The following IQCJ variants were observed in gnomAD, a reference collection of about 807,000 sequenced individuals.
IQCJ encodes the protein IQ domain-containing protein J.
IQCJ carries 9 observed loss-of-function variants against 11.0 expected under a neutral mutation model. The ratio of observed to expected loss-of-function variants is 0.82; its 90% confidence interval spans 0.49 to 1.43. IQCJ has a LOEUF of 1.43. Ranked by LOEUF, IQCJ falls within the 40% of genes most tolerant of loss-of-function variation. The pLI, the probability that IQCJ is intolerant of heterozygous loss-of-function variation, is 0.00. For missense variants in IQCJ, 146 were observed against 133.2 expected (o/e 1.10, Z -0.47); for synonymous variants, 55 against 51.3 (o/e 1.07, Z -0.31).
chr3:159,144,423 C>T (rs1720804107), intron 1 of IQCJ, among the ~76,000 whole-genome samples: 2 of 152,154 alleles, frequency 1.3e-5, no homozygotes, highest in South Asian at 4.1e-4. Flanking sequence ...ATCTCTGATA[C>T]CAACCCTAGG....
intron 1 of IQCJ, among the ~76,000 whole-genome samples, chr3:159,163,201 A>G (rs940304461): frequency 6.6e-6 from 1 of 152,242 alleles, no homozygotes; most frequent in Non-Finnish European, 1.5e-5. Flanking sequence ...CGAATCCAGC[A>G]GCACATCAAA....
intron 1 of IQCJ, among the ~76,000 whole-genome samples, chr3:159,212,184 C>T (rs940756417): frequency 1.3e-4 from 20 of 151,946 alleles, no homozygotes; most frequent in Non-Finnish European, 2.8e-4. Context: ...GAACAATTAT[C>T]CCCCTGCATT....
At chr3:159,163,322 C>A (rs1721979761) in intron 1 of IQCJ, among the ~76,000 whole-genome samples, 1 of 152,116 alleles carries the variant, frequency 6.6e-6, no homozygotes, top group African/African-American at 2.4e-5. Flanking sequence ...AAGACAAAAA[C>A]CACATGACTA....
At chr3:159,240,583 A>G (rs781073026) in intron 1 of IQCJ, among the ~76,000 whole-genome samples, 1 of 152,212 alleles carries the variant, frequency 6.6e-6, no homozygotes, top group Non-Finnish European at 1.5e-5. Flanking sequence ...CCATTATATA[A>G]AAAAGAGATC....
intron 1 of IQCJ, among the ~76,000 whole-genome samples, chr3:159,205,234 A>G (rs1724584692): frequency 6.6e-6 from 1 of 152,226 alleles, no homozygotes; most frequent in Non-Finnish European, 1.5e-5. Context: ...ACTCATGATT[A>G]TGGTGTATTA....
intron 1 of IQCJ, among the ~76,000 whole-genome samples, chr3:159,183,248 C>T (rs950747767): frequency 6.6e-6 from 1 of 152,168 alleles, no homozygotes; most frequent in African/African-American, 2.4e-5. Flanking sequence ...GTCTCATTCA[C>T]ATATCTGGTT....
chr3:159,101,517 G>C (rs1717916514), intron 1 of IQCJ, among the ~76,000 whole-genome samples: 1 of 152,190 alleles, frequency 6.6e-6, no homozygotes. Flanking sequence ...GAGCCACTCA[G>C]TGGACATCAA....
chr3:159,260,892 G>A (rs903127753), intron 3 of IQCJ, among the ~76,000 whole-genome samples: 1 of 152,054 alleles, frequency 6.6e-6, no homozygotes, highest in Non-Finnish European at 1.5e-5. Context: ...CTTGGAAGAG[G>A]CTCCTGGCCT....
intron 1 of IQCJ, among the ~76,000 whole-genome samples, chr3:159,105,415 T>C (rs1718193511): frequency 1.3e-5 from 2 of 152,134 alleles, no homozygotes; most frequent in South Asian, 4.2e-4. Context: ...ATTAAGACAA[T>C]TTTATTGAGC....
intron 3 of IQCJ, among the ~76,000 whole-genome samples, chr3:159,260,726 A>G (rs764043403): frequency 2.0e-5 from 3 of 152,226 alleles, no homozygotes; most frequent in Non-Finnish European, 2.9e-5. Flanking sequence ...AGATTTCGTA[A>G]TAAAACAGTG....
rs1161710629 is a variant in IQCJ, at chr3:159,069,451, T to A, written c.9+10T>A. The A allele has an allele frequency of 1.2e-6, 2 of 1,608,620 alleles. No individual in the cohort carries two copies. The highest frequency in any genetic ancestry group is 1.7e-6 in the Non-Finnish European group (2 of 1,177,874). On this transcript the variant is annotated intron_variant, in intron 1 of 3. Transcript: ENST00000397832. Reference sequence around the variant, plus strand: ...CTTCAAAATGCGTCTGGTAATGTATTTGCTTTTCTAAACGTGCCACTTTGA... The same window carrying A: ...CTTCAAAATGCGTCTGGTAATGTATATGCTTTTCTAAACGTGCCACTTTGA...
chr3:159,084,950 G>A (rs1368365520), intron 1 of IQCJ, among the ~76,000 whole-genome samples: 2 of 151,768 alleles, frequency 1.3e-5, no homozygotes, highest in South Asian at 4.2e-4. Context: ...AAGTTTTAGG[G>A]TATATGTGTA....
intron 1 of IQCJ, among the ~76,000 whole-genome samples, chr3:159,222,936 A>G (rs545376304): frequency 6.6e-6 from 1 of 152,262 alleles, no homozygotes; most frequent in East Asian, 1.9e-4. Flanking sequence ...AAAGAAAAAT[A>G]GCCACTAGAT....
chr3:159,104,453 GT>G (rs1344956793), intron 1 of IQCJ, among the ~76,000 whole-genome samples: 11 of 152,222 alleles, frequency 7.2e-5, no homozygotes, highest in African/African-American at 2.7e-4. Context: ...GTAATTGTAT[GT>G]GTTAATGTGC....
At chr3:159,230,602 A>C (rs1726190689) in intron 1 of IQCJ, among the ~76,000 whole-genome samples, 1 of 152,184 alleles carries the variant, frequency 6.6e-6, no homozygotes, top group Non-Finnish European at 1.5e-5. Context: ...CTCACACAGA[A>C]AGAAGGCATT....
At chr3:159,143,510 A>G (rs563525292) in intron 1 of IQCJ, among the ~76,000 whole-genome samples, 11 of 152,272 alleles carry the variant, frequency 7.2e-5, no homozygotes, top group Non-Finnish European at 1.3e-4. Flanking sequence ...CAAAAGCTCC[A>G]TGGACGCTGT....
chr3:159,106,861 T>C (rs921641019), intron 1 of IQCJ, among the ~76,000 whole-genome samples: 2 of 152,210 alleles, frequency 1.3e-5, no homozygotes, highest in Non-Finnish European at 1.5e-5. Flanking sequence ...ACAGAACTAT[T>C]CTATTTCACA....
intron 1 of IQCJ, among the ~76,000 whole-genome samples, chr3:159,094,370 T>G (rs1474514885): frequency 6.6e-6 from 1 of 151,080 alleles, no homozygotes; most frequent in African/African-American, 2.5e-5. Flanking sequence ...ACCTCAGTGG[T>G]CTTCAGGATC....
At chr3:159,121,357 A>G (rs762559245) in intron 1 of IQCJ, among the ~76,000 whole-genome samples, 2 of 151,552 alleles carry the variant, frequency 1.3e-5, no homozygotes, top group Non-Finnish European at 2.9e-5. Context: ...CTGATCTCCA[A>G]CTCCTAGGCT....
Sources: allele counts gnomAD v4.1 joint callset (sites outside exome capture counted in the v4.1 genomes callset), GRCh38; gene constraint gnomAD v4.1.1; transcripts MANE v1.5; gene names NCBI Gene and HGNC (gene_info 2026-07-23, HGNC 2026-07-21).